Variants in RGS7 observed in about 807,000 individuals in gnomAD.
RGS7 encodes the protein regulator of G protein signaling 7.
Under a neutral mutation model 81.1 loss-of-function variants are expected in RGS7, and 27 were observed. The observed-to-expected ratio is 0.33, with a 90% CI of 0.25 to 0.46. RGS7 has a LOEUF of 0.46. Ranked by LOEUF, RGS7 falls within the 20% of genes least tolerant of loss-of-function variation. The pLI is 1.00. For synonymous variants in RGS7, 208 were observed against 207.7 expected, an observed-to-expected ratio of 1.00 and a Z score of -0.01; for missense variants, 396 against 607.4, an observed-to-expected ratio of 0.65 and a Z score of 3.66.
chr1:240,926,734 G>T (rs1363073023), intron 6 of RGS7, among the ~76,000 whole-genome samples: 2 of 152,124 alleles, frequency 1.3e-5, no homozygotes, highest in Non-Finnish European at 2.9e-5. Flanking sequence ...ATCTGGGAAA[G>T]CCCATTTCTG....
chr1:241,081,950 C>T (rs1163839071), intron 3 of RGS7, among the ~76,000 whole-genome samples: 1 of 152,090 alleles, frequency 6.6e-6, no homozygotes, highest in Non-Finnish European at 1.5e-5. Flanking sequence ...TATGGTGTTC[C>T]AGGTAAAGGA....
At chr1:240,820,636 G>T (rs531202267) in intron 10 of RGS7, among the ~76,000 whole-genome samples, 1 of 152,120 alleles carries the variant, frequency 6.6e-6, no homozygotes, top group African/African-American at 2.4e-5. Context: ...CTTATAAAGA[G>T]GCCTGAGGGA....
intron 18 of RGS7, among the ~76,000 whole-genome samples, chr1:240,788,168 T>C (rs1026121066): frequency 5.3e-5 from 8 of 152,254 alleles, no homozygotes; most frequent in Non-Finnish European, 8.8e-5. Context: ...AGTGTTTTTG[T>C]GTTCAGCTTA....
intron 3 of RGS7, among the ~76,000 whole-genome samples, chr1:241,021,196 A>G (rs1280963544): frequency 6.6e-6 from 1 of 152,144 alleles, no homozygotes; most frequent in African/African-American, 2.4e-5. Flanking sequence ...CCTCTGTCAC[A>G]CAACAGCAGC....
At chr1:240,853,724 A>C (rs1660527974) in intron 9 of RGS7, among the ~76,000 whole-genome samples, 1 of 151,922 alleles carries the variant, frequency 6.6e-6, no homozygotes, top group South Asian at 2.1e-4. Flanking sequence ...AACACGGTGA[A>C]ACCCCGTCTC....
chr1:240,799,093 C>T (rs552556753), intron 18 of RGS7, among the ~76,000 whole-genome samples: 5 of 152,228 alleles, frequency 3.3e-5, no homozygotes, highest in Admixed American at 2.6e-4. Context: ...ATACGGAACA[C>T]TAAACCAAGG....
At position 241,243,553 on chromosome 1, in the gene RGS7, G is replaced by A. The variant is rs1477077817; in HGVS notation, c.78+112146C>T. On this transcript the variant is annotated intron_variant, in intron 2 of 18. Transcript: ENST00000440928. The stretch of plus-strand genomic sequence containing the variant: ...AGACAAAAATTAATGCTTGCAAGGA[G>A]GGGAAAAGAGGCATGAAGGGAAAGA... 4.6e-5 allele frequency among the ~76,000 whole-genome samples: 7 copies of A among 152,234 alleles called. No homozygotes were observed. The East Asian group carries it at 1.4e-3, about 29-fold the overall frequency.
chr1:240,906,271 T>C (rs975131319), intron 6 of RGS7, among the ~76,000 whole-genome samples: 2 of 152,166 alleles, frequency 1.3e-5, no homozygotes, highest in Admixed American at 6.5e-5. Context: ...AGGTACATCA[T>C]TAAATGCCCT....
chr1:241,172,406 C>T, intron 2 of RGS7, among the ~76,000 whole-genome samples: 1 of 152,014 alleles, frequency 6.6e-6, no homozygotes, highest in East Asian at 1.9e-4. Flanking sequence ...TACAGTCACT[C>T]AGGAAAAAAA....
rs571773877 is a variant in RGS7, at chr1:240,906,235, G to A, written c.385+24482C>T. Among the ~76,000 whole-genome samples the A allele has an allele frequency of 4.6e-5, 7 of 152,244 alleles. No homozygotes were observed. The South Asian group carries it at 6.2e-4, about 14-fold the overall frequency. On this transcript the variant is annotated intron_variant, in intron 6 of 18. Transcript: ENST00000440928. ...CTTTGATGACTCCTCCTGTGTCTGCGTATCTGTGCTTTGGATAGCCCACAC... is the reference window on the plus strand; with the variant it reads ...CTTTGATGACTCCTCCTGTGTCTGCATATCTGTGCTTTGGATAGCCCACAC...
rs185647683 is a variant in RGS7, at chr1:240,900,456, G to A, written c.385+30261C>T. Among the ~76,000 whole-genome samples the A allele has an allele frequency of 2.0e-3, 304 of 152,244 alleles. 1 individual carries two copies. The highest frequency in any genetic ancestry group is 2.9e-3 in the Non-Finnish European group (196 of 68,012). On this transcript the variant is annotated intron_variant, in intron 6 of 18. Coordinates refer to ENST00000440928, the MANE Select transcript of RGS7 (RefSeq NM_001364886.1). ...ACCTTTGGTCTTTGATGATGGTGAC[G>A]TACAGATGGGGTTTTGGTGTGGATG...
chr1:240,973,706 C>T (rs1683626953), intron 4 of RGS7, among the ~76,000 whole-genome samples: 1 of 151,930 alleles, frequency 6.6e-6, no homozygotes. Flanking sequence ...TCTCCTGCCT[C>T]AGCCTCCTGA....
At chr1:241,123,378 C>T (rs2066422514) in intron 2 of RGS7, among the ~76,000 whole-genome samples, 1 of 152,186 alleles carries the variant, frequency 6.6e-6, no homozygotes, top group Non-Finnish European at 1.5e-5. Context: ...GCCACTATTC[C>T]CACCATTCTA....
At chr1:241,075,335 C>G (rs1202137486) in intron 3 of RGS7, among the ~76,000 whole-genome samples, 1 of 152,088 alleles carries the variant, frequency 6.6e-6, no homozygotes, top group Middle Eastern at 3.2e-3. Context: ...GGTCGAGCAA[C>G]AAAAACTTGA....
In RGS7 at chr1:240,775,959, G is replaced by A. The variant is rs1245143274; in HGVS notation, c.*261C>T. On this transcript the variant is annotated 3_prime_UTR_variant, in exon 19 of 19. Coordinates refer to ENST00000440928, the MANE Select transcript of RGS7 (RefSeq NM_001364886.1). ...AGACACAGATCCAGCATAGTAGAAG[G>A]AGAAAGAAAGCAGACAACAGTTTGG... 2 of 593,742 alleles carry A rather than the reference G, an allele frequency of 3.4e-6. No homozygotes were observed. Among genetic ancestry groups the A allele is most frequent in the Non-Finnish European group, 6.2e-6 (2 of 323,580 alleles). The allele number at this position is 593,742 out of a possible 1,614,324, so 36.8% of individuals were successfully genotyped here.
intron 2 of RGS7, among the ~76,000 whole-genome samples, chr1:241,260,002 G>A (rs917007199): frequency 1.3e-5 from 2 of 152,150 alleles, no homozygotes; most frequent in Admixed American, 1.3e-4. Flanking sequence ...CAGAATGAAT[G>A]AAAGTCATTT....
chr1:241,245,156 A>G (rs1249819249), intron 2 of RGS7, among the ~76,000 whole-genome samples: 1 of 152,212 alleles, frequency 6.6e-6, no homozygotes, highest in East Asian at 1.9e-4. Flanking sequence ...GCAAGGTGAT[A>G]TAATTTGGAT....
At chr1:241,120,336 T>G (rs1452446645) in intron 2 of RGS7, among the ~76,000 whole-genome samples, 3 of 152,156 alleles carry the variant, frequency 2.0e-5, no homozygotes, top group Non-Finnish European at 4.4e-5. Flanking sequence ...CAATTAATGT[T>G]GTATTTGTAA....
At chr1:241,088,273 G>A (rs895671295) in intron 3 of RGS7, among the ~76,000 whole-genome samples, 3 of 151,864 alleles carry the variant, frequency 2.0e-5, no homozygotes, top group African/African-American at 7.3e-5. Flanking sequence ...ACCAGATGAG[G>A]TCTGAGAGGC....
Sources: gnomAD v4.1 joint callset for allele counts (sites outside exome capture counted in the v4.1 genomes callset) on GRCh38, gnomAD v4.1.1 for gene constraint, MANE v1.5 for transcripts, NCBI Gene and HGNC (gene_info 2026-07-23, HGNC 2026-07-21) for gene names.